The following ARB2A variants were observed in gnomAD, a reference collection of about 807,000 sequenced individuals.
ARB2A encodes ARB2 cotranscriptional regulator A.
chr5:93,624,763 T>C, the ARB2A span, among the ~76,000 whole-genome samples: 5 of 152,166 alleles, frequency 3.3e-5, no homozygotes, highest in Admixed American at 3.3e-4. Flanking sequence ...ATCCTGTAAT[T>C]TGCAAGGCAG....
the ARB2A span, among the ~76,000 whole-genome samples, chr5:93,935,740 CA>C: frequency 6.6e-6 from 1 of 152,174 alleles, no homozygotes; most frequent in Admixed American, 6.5e-5. Context: ...TAATATTTCA[CA>C]TCTCATAAGA....
the ARB2A span, among the ~76,000 whole-genome samples, chr5:93,765,734 A>G: frequency 6.6e-6 from 1 of 152,218 alleles, no homozygotes; most frequent in Non-Finnish European, 1.5e-5. Flanking sequence ...TGCCAAGTCA[A>G]TCCTACGCCA....
the ARB2A span, among the ~76,000 whole-genome samples, chr5:93,988,378 G>T: frequency 4.7e-4 from 72 of 152,052 alleles, no homozygotes; most frequent in Middle Eastern, 0.01. Flanking sequence ...TTCTCGTTTT[G>T]TAGCCACACT....
At chr5:93,750,689 A>C in the ARB2A span, among the ~76,000 whole-genome samples, 1 of 151,874 alleles carries the variant, frequency 6.6e-6, no homozygotes, top group South Asian at 2.1e-4. Flanking sequence ...CAGCTAATTT[A>C]TTTTTATTTT....
the ARB2A span, among the ~76,000 whole-genome samples, chr5:94,080,185 G>A: frequency 6.6e-6 from 1 of 152,026 alleles, no homozygotes; most frequent in South Asian, 2.1e-4. Flanking sequence ...GAAAAACAGA[G>A]TATGTCAAAC....
chr5:93,998,872 T>A, the ARB2A span, among the ~76,000 whole-genome samples: 6 of 152,026 alleles, frequency 3.9e-5, no homozygotes, highest in African/African-American at 1.4e-4. Flanking sequence ...TCATTCTACT[T>A]TTAGAACTGA....
At chr5:93,879,444 A>C in the ARB2A span, among the ~76,000 whole-genome samples, 1 of 151,930 alleles carries the variant, frequency 6.6e-6, no homozygotes, top group African/African-American at 2.4e-5. Context: ...TGAATTGATG[A>C]GTGAAATGGG....
At chr5:93,664,415 T>TA in the ARB2A span, among the ~76,000 whole-genome samples, 1 of 152,010 alleles carries the variant, frequency 6.6e-6, no homozygotes, top group African/African-American at 2.4e-5. Flanking sequence ...TAAGATACTT[T>TA]AAAAAATAAT....
the ARB2A span, among the ~76,000 whole-genome samples, chr5:94,072,262 T>C: frequency 6.6e-6 from 1 of 152,122 alleles, no homozygotes; most frequent in Non-Finnish European, 1.5e-5. Flanking sequence ...CAGAAGGGAC[T>C]TGCTAGTGGT....
At chr5:93,984,135 T>C in the ARB2A span, among the ~76,000 whole-genome samples, 2 of 152,136 alleles carry the variant, frequency 1.3e-5, no homozygotes, top group Non-Finnish European at 2.9e-5. Flanking sequence ...TTAAGAAATA[T>C]ACACAAATAT....
chr5:93,810,177 T>C, the ARB2A span, among the ~76,000 whole-genome samples: 2 of 151,938 alleles, frequency 1.3e-5, no homozygotes, highest in Non-Finnish European at 2.9e-5. Flanking sequence ...TATTACAAAT[T>C]TTCGTTGTGT....
chr5:94,084,508 C>A, the ARB2A span, among the ~76,000 whole-genome samples: 1 of 152,002 alleles, frequency 6.6e-6, no homozygotes, highest in African/African-American at 2.4e-5. Context: ...GAATTCTACT[C>A]AAACCCCAAA....
At chr5:93,896,097 A>AG in the ARB2A span, among the ~76,000 whole-genome samples, 2 of 152,112 alleles carry the variant, frequency 1.3e-5, no homozygotes, top group African/African-American at 4.8e-5. Flanking sequence ...ACTATTCAAT[A>AG]AGAAATCTAT....
the ARB2A span, among the ~76,000 whole-genome samples, chr5:93,911,628 CCA>C: frequency 0.097 from 14,416 of 148,352 alleles, 820 homozygotes; most frequent in Middle Eastern, 0.16. Flanking sequence ...GCATTAGTCA[CCA>C]CACACACACA....
chr5:93,730,033 G>A, the ARB2A span, among the ~76,000 whole-genome samples: 1 of 152,114 alleles, frequency 6.6e-6, no homozygotes, highest in African/African-American at 2.4e-5. Flanking sequence ...TATGTGCACA[G>A]AGAATGTTCA....
the ARB2A span, among the ~76,000 whole-genome samples, chr5:93,648,759 T>C: frequency 6.6e-6 from 1 of 152,372 alleles, no homozygotes; most frequent in Non-Finnish European, 1.5e-5. Context: ...TATTTCTGGC[T>C]ACCCTATCAA....
the ARB2A span, among the ~76,000 whole-genome samples, chr5:93,674,887 C>A: frequency 7.9e-5 from 12 of 152,130 alleles, no homozygotes; most frequent in African/African-American, 2.9e-4. Context: ...AGAGAAAACT[C>A]CCTGTCTTAA....
the ARB2A span, among the ~76,000 whole-genome samples, chr5:93,926,075 C>A: frequency 1.3e-5 from 2 of 151,902 alleles, no homozygotes; most frequent in Non-Finnish European, 2.9e-5. Context: ...CCTGTGTACT[C>A]TATGATATGA....
the ARB2A span, among the ~76,000 whole-genome samples, chr5:93,979,339 G>A: frequency 6.6e-6 from 1 of 151,988 alleles, no homozygotes; most frequent in African/African-American, 2.4e-5. Flanking sequence ...AGTATATTAT[G>A]GTTCAATGGA....
Sources: allele counts gnomAD v4.1 joint callset (sites outside exome capture counted in the v4.1 genomes callset), GRCh38; gene constraint gnomAD v4.1.1; transcripts MANE v1.5; gene names NCBI Gene and HGNC (gene_info 2026-07-23, HGNC 2026-07-21).